The following PRPF18 variants were observed in gnomAD, a reference collection of about 807,000 sequenced individuals.
The protein encoded by PRPF18 is pre-mRNA processing factor 18.
PRPF18 carries 38 observed loss-of-function variants against 46.5 expected under a neutral mutation model. The ratio of observed to expected loss-of-function variants is 0.82; its 90% CI spans 0.63 to 1.07. The LOEUF is 1.07. PRPF18 is among the 50% of genes least tolerant of loss of function. PRPF18 has a pLI of 0.00. For missense variants in PRPF18, 263 were observed against 410.0 expected (o/e 0.64, Z 3.10); for synonymous variants, 152 against 146.7 (o/e 1.04, Z -0.26).
rs1264246497 is a variant in PRPF18 at position 13,610,214 on chromosome 10, C to T, written c.510+29C>T. 4 of 1,598,588 alleles carry T rather than the reference C, an allele frequency of 2.5e-6. No individual in the cohort carries two copies. In the African/African-American group the frequency reaches 4.0e-5, roughly 16 times the overall value. On this transcript the variant is annotated intron_variant, in intron 5 of 9. Coordinates refer to ENST00000378572, the MANE Select transcript of PRPF18 (RefSeq NM_003675.4). Reference sequence around the variant, plus strand: ...ATCTCTACACCAAGCCCAGCACATCCCTGGCACCCTTCTTTTTCCTCTGGA... The same window carrying T: ...ATCTCTACACCAAGCCCAGCACATCTCTGGCACCCTTCTTTTTCCTCTGGA...
intron 2 of PRPF18, among the ~76,000 whole-genome samples, chr10:13,598,739 C>T (rs2080067564): frequency 6.6e-6 from 1 of 152,120 alleles, no homozygotes; most frequent in African/African-American, 2.4e-5. Flanking sequence ...CAGAAAGGAA[C>T]TCTCATTTTT....
chr10:13,587,067 G>C lies in PRPF18; in HGVS notation c.-20G>C, dbSNP rs1282572222. ...CGAGGAGCTGGAGCGGGAAACTGGAGCTTAAATTCTGGCGGCGAGATGGAC... is the reference window on the plus strand; with the variant it reads ...CGAGGAGCTGGAGCGGGAAACTGGACCTTAAATTCTGGCGGCGAGATGGAC... On this transcript the variant is annotated 5_prime_UTR_variant, in exon 1 of 10. Coordinates refer to ENST00000378572, the MANE Select transcript of PRPF18 (RefSeq NM_003675.4). 3.7e-6 allele frequency: 6 copies of C among 1,613,536 alleles called. No homozygotes were observed. The highest frequency in any genetic ancestry group is 4.2e-6 in the Non-Finnish European group (5 of 1,179,414).
intron 3 of PRPF18, among the ~76,000 whole-genome samples, chr10:13,600,930 C>T (rs2080098628): frequency 6.6e-6 from 1 of 152,098 alleles, no homozygotes; most frequent in South Asian, 2.1e-4. Flanking sequence ...GCGTGTGCCA[C>T]CACACCCAGC....
At chr10:13,595,059 T>C (rs1409161529) in intron 1 of PRPF18, among the ~76,000 whole-genome samples, 1 of 152,236 alleles carries the variant, frequency 6.6e-6, no homozygotes, top group African/African-American at 2.4e-5. Context: ...TTTATTTTTT[T>C]GTAAGTGCAT....
downstream of PRPF18, chr10:13,632,927 C>G (rs567644513): frequency 6.6e-6 from 1 of 152,324 alleles, no homozygotes; most frequent in South Asian, 2.1e-4. Context: ...CCTCCCCAGA[C>G]TCCTATCCAT....
At chr10:13,641,644 A>C in the PRPF18 span, 1 of 152,276 alleles carries the variant, frequency 6.6e-6, no homozygotes, top group Admixed American at 6.5e-5. Flanking sequence ...CTACGATACC[A>C]GGTGGAAAAC....
At chr10:13,597,595 T>G in intron 2 of PRPF18, 60 bp downstream of exon 2, 1 of 1,598,890 alleles carries the variant, frequency 6.3e-7, no homozygotes, top group South Asian at 1.1e-5. Context: ...TATACAGCTG[T>G]TGTTAAATGA....
intron 3 of PRPF18, among the ~76,000 whole-genome samples, chr10:13,601,071 G>A (rs1410151851): frequency 1.3e-5 from 2 of 152,066 alleles, no homozygotes; most frequent in Non-Finnish European, 1.5e-5. Context: ...GTGAGCCACC[G>A]CGCCTGGCCG....
intron 1 of PRPF18, among the ~76,000 whole-genome samples, chr10:13,588,128 G>A (rs1327822286): frequency 1.3e-5 from 2 of 152,126 alleles, no homozygotes; most frequent in African/African-American, 4.8e-5. Context: ...AAACATGGAG[G>A]AAGGGCCGCC....
At chr10:13,634,980 A>G (rs576553149), downstream of PRPF18, among the ~76,000 whole-genome samples, 8 of 152,210 alleles carry the variant, frequency 5.3e-5, no homozygotes, top group South Asian at 1.7e-3. Flanking sequence ...TGCTGCACAC[A>G]TCATCCTATC....
the PRPF18 span, chr10:13,654,150 C>A: frequency 1.8e-6 from 1 of 555,748 alleles, no homozygotes; most frequent in Non-Finnish European, 3.2e-6. Context: ...GAAGCACAGT[C>A]CCACTTCGTG....
intron 3 of PRPF18, among the ~76,000 whole-genome samples, chr10:13,602,731 C>T (rs1446052507): frequency 3.3e-5 from 5 of 151,928 alleles, no homozygotes; most frequent in Admixed American, 3.3e-4. Context: ...TTTTAGAATT[C>T]TGTTACTTTT....
chr10:13,654,614 T>C, the PRPF18 span: 1 of 715,634 alleles, frequency 1.4e-6, no homozygotes, highest in Non-Finnish European at 2.4e-6. Flanking sequence ...TGGCCAGAGG[T>C]CACCATTTCC....
At chr10:13,600,774 C>A (rs113058467) in intron 3 of PRPF18, among the ~76,000 whole-genome samples, 73 of 151,520 alleles carry the variant, frequency 4.8e-4, no homozygotes, top group African/African-American at 1.2e-3. Context: ...CATAATGTTT[C>A]TTTCTTTATT....
chr10:13,592,942 A>G (rs781317502), intron 1 of PRPF18, among the ~76,000 whole-genome samples: 3 of 152,254 alleles, frequency 2.0e-5, no homozygotes, highest in Non-Finnish European at 4.4e-5. Context: ...CCACTAGAGT[A>G]TAACAGAGCA....
At position 13,614,080 on chromosome 10, in the gene PRPF18, C is replaced by T. The variant is rs375853607; in HGVS notation, c.786C>T (p.Tyr262=). 5.7e-6 allele frequency: 9 copies of T among 1,574,152 alleles called. No individual in the cohort carries two copies. In the African/African-American group the frequency reaches 9.5e-5, roughly 17 times the overall value. The change falls in exon 8 of 10, where the codon TAC becomes TAT. Residue 262 remains tyrosine (Y), a synonymous_variant. Coordinates refer to ENST00000378572, the MANE Select transcript of PRPF18 (RefSeq NM_003675.4). ...TTAAATTCATGTTGCAGAGAGAATA[C>T]GTGAAGGTACATTCCCATGCTGTTC... ...DIIKFMLQRE[Y]VKANDAYLQM...
the PRPF18 span, among the ~76,000 whole-genome samples, chr10:13,637,643 C>A: frequency 6.6e-6 from 1 of 152,122 alleles, no homozygotes; most frequent in East Asian, 1.9e-4. Flanking sequence ...ACCTTTTATG[C>A]ATTGGAGAAA....
At chr10:13,644,117 A>G in the PRPF18 span, 1 of 152,608 alleles carries the variant, frequency 6.6e-6, no homozygotes, top group East Asian at 1.9e-4. Context: ...TGGAATTTTA[A>G]CAGTTTCAAC....
At chr10:13,619,707 G>A (rs1432156190) in intron 9 of PRPF18, among the ~76,000 whole-genome samples, 1 of 152,124 alleles carries the variant, frequency 6.6e-6, no homozygotes, top group African/African-American at 2.4e-5. Flanking sequence ...AATGAGCAAT[G>A]CAGAAGCGAT....
Sources: allele counts gnomAD v4.1 joint callset (sites outside exome capture counted in the v4.1 genomes callset), GRCh38; gene constraint gnomAD v4.1.1; transcripts MANE v1.5; gene names NCBI Gene and HGNC (gene_info 2026-07-23, HGNC 2026-07-21).